Variants in ST8SIA2 observed in about 807,000 individuals in gnomAD.
The protein encoded by ST8SIA2 is ST8 alpha-N-acetyl-neuraminide alpha-2,8-sialyltransferase 2.
In ST8SIA2, 22 loss-of-function variants were observed where a neutral mutation model predicts 37.6. That is an observed-to-expected ratio of 0.58 (90% CI 0.42 to 0.83). ST8SIA2 has a LOEUF of 0.83. Among genes scored for constraint, ST8SIA2 ranks in the 40% least tolerant of loss-of-function variants. ST8SIA2 has a pLI of 0.00. For synonymous variants in ST8SIA2, 205 were observed against 201.2 expected (o/e 1.02, Z -0.16); for missense variants, 382 against 484.7 (o/e 0.79, Z 1.99).
chr15:92,446,184 T>G (rs901324470), intron 5 of ST8SIA2, among the ~76,000 whole-genome samples: 2 of 152,222 alleles, frequency 1.3e-5, no homozygotes, highest in African/African-American at 4.8e-5. Context: ...AGTGGGGGGC[T>G]GAAGCAGCTG....
intron 1 of ST8SIA2, among the ~76,000 whole-genome samples, chr15:92,401,886 A>G (rs960410558): frequency 2.0e-5 from 3 of 150,658 alleles, no homozygotes; most frequent in Admixed American, 2.0e-4. Context: ...TGAGCCACAG[A>G]GGAGTGGTGA....
chr15:92,420,602 A>G (rs1464650024), intron 1 of ST8SIA2, among the ~76,000 whole-genome samples: 3 of 152,228 alleles, frequency 2.0e-5, no homozygotes, highest in Admixed American at 2.0e-4. Context: ...AATCGAAGCA[A>G]AAAGATAAAT....
At chr15:92,413,682 T>A (rs1291504244) in intron 1 of ST8SIA2, among the ~76,000 whole-genome samples, 1 of 152,176 alleles carries the variant, frequency 6.6e-6, no homozygotes, top group Non-Finnish European at 1.5e-5. Flanking sequence ...AAGGGTTAAA[T>A]CTCCTGTCCA....
At chr15:92,426,395 C>T (rs748811255) in intron 1 of ST8SIA2, among the ~76,000 whole-genome samples, 8 of 152,194 alleles carry the variant, frequency 5.3e-5, no homozygotes, top group South Asian at 4.2e-4. Flanking sequence ...TGAGAGGCAC[C>T]AGGCAGAAAA....
intron 1 of ST8SIA2, among the ~76,000 whole-genome samples, chr15:92,400,252 A>G (rs573988942): frequency 6.6e-6 from 1 of 152,234 alleles, no homozygotes; most frequent in East Asian, 1.9e-4. Context: ...CTAGCACCCC[A>G]TCATGCAGCA....
At chr15:92,430,448 T>G (rs769683022) in intron 2 of ST8SIA2, among the ~76,000 whole-genome samples, 1 of 152,204 alleles carries the variant, frequency 6.6e-6, no homozygotes, top group African/African-American at 2.4e-5. Flanking sequence ...GAACCAGCAT[T>G]TTCACTCAAT....
intron 1 of ST8SIA2, among the ~76,000 whole-genome samples, chr15:92,395,499 C>T (rs932845877): frequency 2.0e-5 from 3 of 152,168 alleles, no homozygotes; most frequent in African/African-American, 7.2e-5. Context: ...TCTGTGAACT[C>T]CGCTGGGCTT....
At chr15:92,408,718 T>G (rs1339744458) in intron 1 of ST8SIA2, among the ~76,000 whole-genome samples, 1 of 147,284 alleles carries the variant, frequency 6.8e-6, no homozygotes, top group Non-Finnish European at 1.5e-5. Context: ...TATTTATTTA[T>G]TTATTGAGAT....
intron 5 of ST8SIA2, among the ~76,000 whole-genome samples, chr15:92,463,135 T>C (rs970315387): frequency 2.6e-5 from 4 of 152,248 alleles, no homozygotes; most frequent in East Asian, 1.9e-4. Flanking sequence ...CTTGAGTTAC[T>C]TCCCCCCTCT....
chr15:92,445,340 A>C (rs1057067543), intron 5 of ST8SIA2, among the ~76,000 whole-genome samples: 3 of 152,224 alleles, frequency 2.0e-5, no homozygotes, highest in African/African-American at 7.2e-5. Flanking sequence ...TAATCTCTTT[A>C]AACTTTAGTT....
intron 1 of ST8SIA2, among the ~76,000 whole-genome samples, chr15:92,418,462 C>CAAAA (rs34061544): frequency 4.0e-5 from 4 of 100,048 alleles, no homozygotes; most frequent in African/African-American, 1.6e-4. Flanking sequence ...GACCCTCCCT[C>CAAAA]AAAAAAAAAA....
intron 3 of ST8SIA2, among the ~76,000 whole-genome samples, chr15:92,436,816 C>T (rs11634070): frequency 6.6e-6 from 1 of 151,984 alleles, no homozygotes; most frequent in Non-Finnish European, 1.5e-5. Context: ...ATGGATGAGA[C>T]GCGCCGAGCT....
intron 5 of ST8SIA2, among the ~76,000 whole-genome samples, chr15:92,455,876 A>G (rs1233506378): frequency 1.3e-5 from 2 of 152,264 alleles, no homozygotes; most frequent in East Asian, 3.8e-4. Flanking sequence ...CCTCACCTAC[A>G]ATTATGGAAA....
chr15:92,439,428 G>C (rs1009795209), intron 4 of ST8SIA2, among the ~76,000 whole-genome samples: 1 of 152,190 alleles, frequency 6.6e-6, no homozygotes, highest in Non-Finnish European at 1.5e-5. Context: ...TACAGTCATG[G>C]AAACAAGGCT....
rs755001576 is a variant in ST8SIA2 at position 92,444,500 on chromosome 15, T to C, written c.549-136T>C. On this transcript the variant is annotated intron_variant, in intron 4 of 5. Coordinates refer to ENST00000268164, the MANE Select transcript of ST8SIA2 (RefSeq NM_006011.4). ...GAGAAAGGATGATGGGAGGGGCCTG[T>C]GAGTGTGGAGAGATGCCCTGGGTCT... 5.2e-4 allele frequency: 530 copies of C among 1,011,734 alleles called. 1 individual carries two copies. The highest frequency in any genetic ancestry group is 7.6e-4 in the Non-Finnish European group (501 of 662,276). 62.7% of individuals were successfully genotyped at this position (1,011,734 alleles called of 1,614,324 possible). A position where few individuals can be genotyped will look rare whatever the true frequency, so the allele number is the denominator to read the frequency against.
At chr15:92,396,154 G>A (rs1197031262) in intron 1 of ST8SIA2, among the ~76,000 whole-genome samples, 2 of 152,180 alleles carry the variant, frequency 1.3e-5, no homozygotes, top group Admixed American at 6.5e-5. Flanking sequence ...GTCACCTCCT[G>A]TGGCATCTTC....
At chr15:92,440,270 A>C (rs2049791742) in intron 4 of ST8SIA2, among the ~76,000 whole-genome samples, 1 of 152,146 alleles carries the variant, frequency 6.6e-6, no homozygotes, top group African/African-American at 2.4e-5. Flanking sequence ...TTCATTATGA[A>C]TACAGTCTGT....
intron 1 of ST8SIA2, among the ~76,000 whole-genome samples, chr15:92,412,655 T>TTTTG (rs557949613): frequency 1.9e-4 from 29 of 152,176 alleles, no homozygotes; most frequent in Non-Finnish European, 3.5e-4. Context: ...TTTGTTTTTG[T>TTTTG]TTTGTTTGTT....
intron 1 of ST8SIA2, among the ~76,000 whole-genome samples, chr15:92,396,157 G>A (rs1001060716): frequency 1.3e-5 from 2 of 152,166 alleles, no homozygotes; most frequent in African/African-American, 4.8e-5. Context: ...ACCTCCTGTG[G>A]CATCTTCCTT....
Sources: allele counts gnomAD v4.1 joint callset (sites outside exome capture counted in the v4.1 genomes callset), GRCh38; gene constraint gnomAD v4.1.1; transcripts MANE v1.5; gene names NCBI Gene and HGNC (gene_info 2026-07-23, HGNC 2026-07-21).